EVPL: variants seen among roughly 807,000 people sequenced by gnomAD.
The protein encoded by EVPL is envoplakin, also known as 210 kDa cornified envelope precursor protein.
Under a neutral mutation model 129.7 loss-of-function variants are expected in EVPL, and 94 were observed. The observed-to-expected ratio is 0.72, with a 90% confidence interval of 0.61 to 0.86. The LOEUF is 0.86. Among genes scored for constraint, EVPL ranks in the 40% least tolerant of loss-of-function variants. EVPL has a pLI of 0.00. For synonymous variants in EVPL, 1,172 were observed against 1,191.1 expected (o/e 0.98, Z 0.33); for missense variants, 2,625 against 2,721.1 (o/e 0.96, Z 0.79).
In EVPL at chr17:76,010,521, C is replaced by G. The variant is rs1004005814; in HGVS notation, c.2684G>C (p.Arg895Pro). 9 of 1,613,368 alleles carry G rather than the reference C, an allele frequency of 5.6e-6. No homozygotes were observed. The highest frequency in any genetic ancestry group is 7.6e-6 in the Non-Finnish European group (9 of 1,179,770). Residue 895 changes from arginine to proline, a missense_variant, in exon 22 of 22, where the codon CGA (arginine) becomes CCA (proline). By Grantham distance (103) the Arg-to-Pro change is moderately radical. Coordinates refer to ENST00000301607, the MANE Select transcript of EVPL (RefSeq NM_001988.4). ...LEKKELSEDI[R>P]RTHDAKQGSE... The stretch of plus-strand genomic sequence containing the variant: ...GCCCTGCTTTGCATCATGGGTCCTT[C>G]GGATGTCCTCACTGAGCTCCTTCTG...
rs1385894621 is a variant in EVPL, at chr17:76,009,297, C to A, written c.3908G>T (p.Arg1303Leu). Residue 1303 changes from arginine (R) to leucine (L), a missense_variant, in exon 22 of 22, where the codon CGC (arginine) becomes CTC (leucine). This residue lies in a region of EVPL where 1,453 missense variants were observed against 1,511.8 expected (regional missense o/e 0.96). Coordinates refer to ENST00000301607, the MANE Select transcript of EVPL (RefSeq NM_001988.4). This position sits in a 1 kb window ranked among gnomAD's most constrained non-coding sequence, Gnocchi z 5.9. ...RLQGERDEWR[R>L]ERAKVETKTV... ...CTTGGTCTCCACCTTGGCCCGCTCGCGCCTCCACTCGTCGCGCTCACCCTG... is the reference window on the plus strand; with the variant it reads ...CTTGGTCTCCACCTTGGCCCGCTCGAGCCTCCACTCGTCGCGCTCACCCTG... The A allele has an allele frequency of 9.3e-6, 15 of 1,608,706 alleles. No individual in the cohort carries two copies. Among genetic ancestry groups the A allele is most frequent in the Non-Finnish European group, 1.3e-5 (15 of 1,179,802 alleles).
In EVPL at chr17:76,011,610, T is replaced by A; in HGVS notation, c.2627A>T (p.Gln876Leu). The stretch of plus-strand genomic sequence containing the variant: ...CATTTTTCTAGCAAACTCCAGCTGC[T>A]GGAGCAGCTGCTGCTGTGCTGCTGC... ...EVAAAQQQLL[Q>L]QLEFARKMLE... Residue 876 changes from glutamine (Q) to leucine (L), a missense_variant, in exon 21 of 22, where the codon CAG becomes CTG. Gln to Leu is a moderately radical substitution (Grantham distance 113). This residue lies in a region of EVPL where 1,024 missense variants were observed against 997.5 expected (regional missense o/e 1.03). Coordinates refer to ENST00000301607, the MANE Select transcript of EVPL (RefSeq NM_001988.4). 3.7e-6 allele frequency: 6 copies of A among 1,614,202 alleles called. No homozygotes were observed. Among genetic ancestry groups the A allele is most frequent in the Non-Finnish European group, 5.1e-6 (6 of 1,180,010 alleles).
At chr17:76,021,108 T>C (rs927295057) in intron 9 of EVPL, among the ~76,000 whole-genome samples, 1 of 152,144 alleles carries the variant, frequency 6.6e-6, no homozygotes, top group Non-Finnish European at 1.5e-5. Context: ...CAGGCTGGAG[T>C]GCAGTGGACC....
At position 76,027,187 on chromosome 17, in the gene EVPL, C is replaced by A; in HGVS notation, c.12G>T (p.Gly4=). 6.2e-7 allele frequency: 1 copy of A among 1,602,288 alleles called. No individual in the cohort carries two copies. The highest frequency in any genetic ancestry group is 8.5e-7 in the Non-Finnish European group (1 of 1,175,706). The change falls in exon 1 of 22, where the codon GGG becomes GGT. Residue 4 remains glycine, a synonymous_variant. Transcript: ENST00000301607. MFK[G]LSKGSQGKGS... ...CCTTCCCCTGGGAGCCTTTGCTCAGCCCCTTGAACATGGTCGTAAAGGCAA... is the reference window on the plus strand; with the variant it reads ...CCTTCCCCTGGGAGCCTTTGCTCAGACCCTTGAACATGGTCGTAAAGGCAA...
rs1263668043 is a variant in EVPL at position 76,013,196 on chromosome 17, A to T, written c.2374-1107T>A. Among the ~76,000 whole-genome samples, 1 of 152,136 alleles carries T rather than the reference A, an allele frequency of 6.6e-6. No individual in the cohort carries two copies. The highest frequency in any genetic ancestry group is 1.9e-4 in the East Asian group (1 of 5,194). On this transcript the variant is annotated intron_variant, in intron 18 of 21. Coordinates refer to ENST00000301607, the MANE Select transcript of EVPL (RefSeq NM_001988.4). This position sits in a 1 kb window ranked among gnomAD's most constrained non-coding sequence, Gnocchi z 4.3. ...TGCTCTGACCACAATAATCCAACTTATTTGGTCTGGGGAGGGGTCCTGGCC... is the reference window on the plus strand; with the variant it reads ...TGCTCTGACCACAATAATCCAACTTTTTTGGTCTGGGGAGGGGTCCTGGCC...
At chr17:76,016,470 A>G (rs2066419991) in intron 14 of EVPL, among the ~76,000 whole-genome samples, 1 of 152,238 alleles carries the variant, frequency 6.6e-6, no homozygotes, top group Non-Finnish European at 1.5e-5. Context: ...CTGATGTGGC[A>G]GATGCTATGA....
At chr17:76,012,310 CTTT>C (rs11371360) in intron 18 of EVPL, 133 of 385,598 alleles carry the variant, frequency 3.4e-4, no homozygotes, top group South Asian at 4.8e-4. Flanking sequence ...CCTTTCTTTC[CTTT>C]TTTTTTTTTT....
chr17:76,017,778 T>A lies in EVPL; in HGVS notation c.1671A>T (p.Thr557=). 6.2e-7 allele frequency: 1 copy of A among 1,612,758 alleles called. No homozygotes were observed. Among genetic ancestry groups the A allele is most frequent in the South Asian group, 1.1e-5 (1 of 91,048 alleles). The change falls in exon 14 of 22, where the codon ACA becomes ACT. Residue 557 remains threonine, a synonymous_variant. Coordinates refer to ENST00000301607, the MANE Select transcript of EVPL (RefSeq NM_001988.4). ...TGCGGCCCTCCAAGTCCTCCAAGGG[T>A]GTGGGGCGGCTCAGCGGGGCCCGCG... ...AWARAPLSRP[T]PLEDLEGRIH... is the part of the protein sequence containing the mutation.
chr17:76,021,889 G>T lies in EVPL; in HGVS notation c.785C>A (p.Ala262Glu), dbSNP rs1321917992. Reference sequence around the variant, plus strand: ...GACCTCGTACTCCCGCCGCACGCCCGCAGGGTCGGCCATGAGGTCGCTCCA... The same window carrying T: ...GACCTCGTACTCCCGCCGCACGCCCTCAGGGTCGGCCATGAGGTCGCTCCA... ...QDWSDLMADP[A>E]GVRREYEHFK... Residue 262 changes from alanine to glutamate, a missense_variant, in exon 7 of 22, where the codon GCG becomes GAG. By Grantham distance (107) the Ala-to-Glu change is moderately radical. This residue lies in a region of EVPL where 1,024 missense variants were observed against 997.5 expected (regional missense o/e 1.03). Transcript: ENST00000301607. The T allele has an allele frequency of 3.2e-6, 5 of 1,559,684 alleles. No homozygotes were observed. The Admixed American group carries it at 5.5e-5, about 17-fold the overall frequency.
Position 76,022,534 on chromosome 17 carries a change from T to A in EVPL, c.485A>T (p.Gln162Leu). 1 of 1,605,104 alleles carries A rather than the reference T, an allele frequency of 6.2e-7. No individual in the cohort carries two copies. The highest frequency in any genetic ancestry group is 8.5e-7 in the Non-Finnish European group (1 of 1,176,566). The change falls in exon 5 of 22, where the codon CAG becomes CTG. Residue 162 changes from glutamine (Q) to leucine (L), a missense_variant. Physicochemically the swap from Gln to Leu is moderately radical, Grantham distance 113. This residue lies in a region of EVPL where 1,024 missense variants were observed against 997.5 expected (regional missense o/e 1.03). Coordinates refer to ENST00000301607, the MANE Select transcript of EVPL (RefSeq NM_001988.4). This position sits in a 1 kb window ranked among gnomAD's most constrained non-coding sequence, Gnocchi z 5.6. ...WARVLEQKQK[Q>L]VCAGQYGPGM... ...CGGCCCGTACTGGCCTGCGCAGACCTGCTTCTGCAGGAGAGCCGGCGGCTC... is the reference window on the plus strand; with the variant it reads ...CGGCCCGTACTGGCCTGCGCAGACCAGCTTCTGCAGGAGAGCCGGCGGCTC...
At chr17:76,018,106 C>A in intron 13 of EVPL, 55 bp downstream of exon 13, 1 of 1,547,664 alleles carries the variant, frequency 6.5e-7, no homozygotes, top group South Asian at 1.2e-5. Flanking sequence ...AGTCGGAAGT[C>A]GGAATCTACT....
At chr17:76,021,596 G>GCCCCCCCCCCCGGCGCCCCCCCC in intron 8 of EVPL, 33 bp from the exon 9 acceptor site, 1 of 1,378,756 alleles carries the variant, frequency 7.3e-7, no homozygotes, top group Non-Finnish European at 9.8e-7. Flanking sequence ...CTCGGACCAC[G>GCCCCCCCCCCCGGCGCCCCCCCC]CCCCCCCCAC....
intron 9 of EVPL, among the ~76,000 whole-genome samples, chr17:76,020,175 C>T (rs1279672683): frequency 6.6e-6 from 1 of 152,126 alleles, no homozygotes; most frequent in Admixed American, 6.5e-5. Flanking sequence ...ACCAGATAAA[C>T]CTAAACCAGC....
chr17:76,023,904 G>T, intron 2 of EVPL, 117 bp downstream of exon 2: 4 of 1,367,828 alleles, frequency 2.9e-6, no homozygotes, highest in Non-Finnish European at 4.0e-6. Flanking sequence ...CAGGACAAAG[G>T]TCATCTGTCC....
rs1411488424 is a variant in EVPL at position 76,015,037 on chromosome 17, G to A, written c.2101C>T (p.His701Tyr). 1 of 1,591,838 alleles carries A rather than the reference G, an allele frequency of 6.3e-7. No homozygotes were observed. The highest frequency in any genetic ancestry group is 1.3e-5 in the African/African-American group (1 of 74,838). ...RLHRALKASEHACAALQNNFQ... is the reference protein window; with the variant it reads ...RLHRALKASEYACAALQNNFQ... ...TTGTTCTGCAGGGCAGCGCATGCGT[G>A]CTCCGAGGCCTTCAGCGCGCGGTGT... Residue 701 changes from histidine (H) to tyrosine (Y), a missense_variant, in exon 17 of 22, where the codon CAC (histidine) becomes TAC (tyrosine). Physicochemically the swap from His to Tyr is moderately conservative, Grantham distance 83. This residue lies in a region of EVPL where 1,024 missense variants were observed against 997.5 expected (regional missense o/e 1.03). Coordinates refer to ENST00000301607, the MANE Select transcript of EVPL (RefSeq NM_001988.4).
In EVPL at chr17:76,015,056, G is replaced by A; in HGVS notation, c.2082C>T (p.Arg694=). ...ATGCGTGCTCCGAGGCCTTCAGCGC[G>A]CGGTGTAGCCGCAGCACGCAGGTCT... ...EQQTCVLRLH[R]ALKASEHACA... Residue 694 remains arginine (R), a synonymous_variant, in exon 17 of 22, where the codon CGC becomes CGT. Coordinates refer to ENST00000301607, the MANE Select transcript of EVPL (RefSeq NM_001988.4). 4 of 1,588,060 alleles carry A rather than the reference G, an allele frequency of 2.5e-6. No individual in the cohort carries two copies. Among genetic ancestry groups the A allele is most frequent in the South Asian group, 1.1e-5 (1 of 90,814 alleles).
At chr17:76,017,937 C>T in intron 13 of EVPL, 26 bp from the exon 14 acceptor site, 1 of 1,611,902 alleles carries the variant, frequency 6.2e-7, no homozygotes. Flanking sequence ...CTGGTGAGGG[C>T]CCAGGGCCTA....
chr17:76,014,979 T>C lies in EVPL; in HGVS notation c.2159A>G (p.Gln720Arg), dbSNP rs764274448. Residue 720 changes from glutamine to arginine, a missense_variant, in exon 17 of 22, where the codon CAG becomes CGG. Coordinates refer to ENST00000301607, the MANE Select transcript of EVPL (RefSeq NM_001988.4). ...FQEFCQDLPR[Q>R]QRQVRALTDR... ...GGTGAGGGCTCGCACCTGGCGCTGCTGGCGAGGCAGGTCTTGGCAGAACTC... is the reference window on the plus strand; with the variant it reads ...GGTGAGGGCTCGCACCTGGCGCTGCCGGCGAGGCAGGTCTTGGCAGAACTC... 6.3e-7 allele frequency: 1 copy of C among 1,597,046 alleles called. No homozygotes were observed. The highest frequency in any genetic ancestry group is 1.7e-5 in the Admixed American group (1 of 59,904).
Position 76,011,900 on chromosome 17 carries a change from G to A in EVPL, c.2458-18C>T. 1 of 1,612,026 alleles carries A rather than the reference G, an allele frequency of 6.2e-7. No individual in the cohort carries two copies. Among genetic ancestry groups the A allele is most frequent in the Non-Finnish European group, 8.5e-7 (1 of 1,179,132 alleles). ...TCATAGTCCTGAGCAGGGAGGAAAG[G>A]ACAGCAGGCTGGCAACCAGTGGGGG... On this transcript the variant is annotated intron_variant, in intron 19 of 21. Coordinates refer to ENST00000301607, the MANE Select transcript of EVPL (RefSeq NM_001988.4).
Sources: gnomAD v4.1 joint callset for allele counts (sites outside exome capture counted in the v4.1 genomes callset) on GRCh38, gnomAD v4.1.1 for gene constraint, gnomAD v4.1.1 regional missense constraint, Gnocchi (gnomAD v3.1) non-coding constraint, MANE v1.5 for transcripts, NCBI Gene and HGNC (gene_info 2026-07-23, HGNC 2026-07-21) for gene names.